Variants in TBC1D22A observed in about 807,000 individuals in gnomAD.
TBC1D22A encodes the protein putative GTPase activator.
In TBC1D22A, 38 loss-of-function variants were observed where a neutral mutation model predicts 60.2. The ratio of observed to expected loss-of-function variants is 0.63; its 90% CI spans 0.49 to 0.83. The LOEUF (loss-of-function observed/expected upper bound fraction) is 0.83, where lower values mean the gene tolerates loss of function less well. Ranked by LOEUF, TBC1D22A falls within the 40% of genes least tolerant of loss-of-function variation. TBC1D22A has a pLI of 0.00. For missense variants in TBC1D22A, 628 were observed against 701.0 expected (o/e 0.90, Z 1.18); for synonymous variants, 302 against 281.7 (o/e 1.07, Z -0.72).
At chr22:46,791,185 A>T (rs2084389642) in intron 1 of TBC1D22A, among the ~76,000 whole-genome samples, 1 of 152,018 alleles carries the variant, frequency 6.6e-6, no homozygotes, top group Non-Finnish European at 1.5e-5. Context: ...CGCCCAGCCA[A>T]TTTTTTTGTA....
Position 47,173,754 on chromosome 22 carries a change from G to C in TBC1D22A, c.*128G>C. ...CTTGTGAGGTGGCCCCACCCTCCAG[G>C]GGAGCTGGTGAAGATGGGCCACAGA... On this transcript the variant is annotated 3_prime_UTR_variant, in exon 13 of 13. Transcript: ENST00000337137. The C allele has an allele frequency of 7.0e-7, 1 of 1,428,326 alleles. No homozygotes were observed. The allele number at this position is 1,428,326 out of a possible 1,614,324, so 88.5% of individuals were successfully genotyped here. A position where few individuals can be genotyped will look rare whatever the true frequency, so the allele number is the denominator to read the frequency against.
At chr22:46,934,586 A>G (rs1332918979) in intron 8 of TBC1D22A, among the ~76,000 whole-genome samples, 2 of 152,196 alleles carry the variant, frequency 1.3e-5, no homozygotes, top group African/African-American at 2.4e-5. Context: ...TTTAGGACTC[A>G]CTTCATAAGA....
rs548617520 is a variant in TBC1D22A, at chr22:47,110,615, G to C, written c.1330-893G>C. Among the ~76,000 whole-genome samples the C allele has an allele frequency of 2.0e-5, 3 of 152,320 alleles. No homozygotes were observed. In the South Asian group the frequency reaches 6.2e-4, roughly 32 times the overall value. On this transcript the variant is annotated intron_variant, in intron 11 of 12. Transcript: ENST00000337137. ...AACCCCCTTGCTGTTCCTCGTCCCA[G>C]TCTTTGCCTTGTTTTCTCCATAGCA...
chr22:47,172,139 C>T (rs759104897), intron 12 of TBC1D22A, among the ~76,000 whole-genome samples: 8 of 146,086 alleles, frequency 5.5e-5, no homozygotes, highest in South Asian at 2.2e-4. Context: ...CCCAGTGAGT[C>T]CGGTGTGCCC....
intron 4 of TBC1D22A, among the ~76,000 whole-genome samples, chr22:46,801,441 G>T (rs1569055663): frequency 6.6e-6 from 1 of 152,320 alleles, no homozygotes; most frequent in African/African-American, 2.4e-5. Context: ...GTTTTTCTTT[G>T]TTTAGCTTAC....
At chr22:47,060,189 C>T (rs9941974) in intron 11 of TBC1D22A, among the ~76,000 whole-genome samples, 396 of 151,630 alleles carry the variant, frequency 2.6e-3, no homozygotes, top group African/African-American at 9.0e-3. Context: ...TTCCAGCAGG[C>T]AGATCAGGCC....
intron 4 of TBC1D22A, among the ~76,000 whole-genome samples, chr22:46,834,401 CACTGA>C (rs1449321495): frequency 1.3e-5 from 2 of 152,174 alleles, no homozygotes; most frequent in African/African-American, 4.8e-5. Context: ...AGAATAGACA[CACTGA>C]AGAGGGTAAG....
intron 4 of TBC1D22A, among the ~76,000 whole-genome samples, chr22:46,867,725 C>T (rs958551865): frequency 1.3e-5 from 2 of 152,170 alleles, no homozygotes; most frequent in Non-Finnish European, 2.9e-5. Context: ...CGAAAATGTG[C>T]GACAGGCTTA....
chr22:47,154,643 T>C (rs943221994), intron 12 of TBC1D22A, among the ~76,000 whole-genome samples: 2 of 152,174 alleles, frequency 1.3e-5, no homozygotes, highest in Non-Finnish European at 2.9e-5. Context: ...AGCGGTTGCC[T>C]TTAGCAGGCA....
Position 46,891,199 on chromosome 22 carries a change from C to T in TBC1D22A, c.709-67C>T, listed in dbSNP as rs56988243. Reference sequence around the variant, plus strand: ...GTATGATGCAAGTCTTTTTATTTCACGCTTAATAATAGGGACTCCATGAAT... The same window carrying T: ...GTATGATGCAAGTCTTTTTATTTCATGCTTAATAATAGGGACTCCATGAAT... On this transcript the variant is annotated intron_variant, in intron 5 of 12. Coordinates refer to ENST00000337137, the MANE Select transcript of TBC1D22A (RefSeq NM_014346.5). 488 of 1,474,492 alleles carry T rather than the reference C, an allele frequency of 3.3e-4. 3 individuals carry two copies. In the African/African-American group the frequency reaches 6.0e-3, roughly 18 times the overall value. The allele number at this position is 1,474,492 out of a possible 1,614,324, so 91.3% of individuals were successfully genotyped here.
At chr22:46,892,222 G>A (rs2068442356) in intron 6 of TBC1D22A, among the ~76,000 whole-genome samples, 1 of 151,820 alleles carries the variant, frequency 6.6e-6, no homozygotes, top group Non-Finnish European at 1.5e-5. Context: ...CTGCTTCTAG[G>A]TGATGGAGCT....
chr22:46,840,372 C>T (rs9616129), intron 4 of TBC1D22A, among the ~76,000 whole-genome samples: 7 of 152,208 alleles, frequency 4.6e-5, no homozygotes, highest in Non-Finnish European at 1.0e-4. Flanking sequence ...CTCAACATCA[C>T]TAATCAGAGA....
At chr22:47,035,889 T>G (rs1031459505) in intron 10 of TBC1D22A, among the ~76,000 whole-genome samples, 1 of 152,236 alleles carries the variant, frequency 6.6e-6, no homozygotes, top group African/African-American at 2.4e-5. Flanking sequence ...ACCCTCCTGT[T>G]CCTCTTCCCC....
chr22:46,861,313 A>G (rs2087872034), intron 4 of TBC1D22A, among the ~76,000 whole-genome samples: 1 of 152,198 alleles, frequency 6.6e-6, no homozygotes, highest in African/African-American at 2.4e-5. Flanking sequence ...CTAGAATAAA[A>G]TGTGTCTCTA....
At chr22:46,911,264 G>A (rs151107215) in intron 7 of TBC1D22A, among the ~76,000 whole-genome samples, 1 of 152,256 alleles carries the variant, frequency 6.6e-6, no homozygotes, top group East Asian at 1.9e-4. Context: ...CCTGGCCTGC[G>A]TGCCTGAATG....
At chr22:47,154,602 G>A (rs1333750374) in intron 12 of TBC1D22A, among the ~76,000 whole-genome samples, 3 of 152,202 alleles carry the variant, frequency 2.0e-5, no homozygotes, top group Non-Finnish European at 4.4e-5. Context: ...CCCCAGCAGT[G>A]CCTGTCCTGT....
intron 4 of TBC1D22A, among the ~76,000 whole-genome samples, chr22:46,806,101 T>C (rs1400777608): frequency 6.6e-6 from 1 of 152,288 alleles, no homozygotes; most frequent in Non-Finnish European, 1.5e-5. Context: ...TCCACCCGCT[T>C]TGGCCTCCCA....
intron 1 of TBC1D22A, among the ~76,000 whole-genome samples, chr22:46,787,422 G>A (rs546434867): frequency 3.3e-5 from 5 of 152,162 alleles, no homozygotes; most frequent in Admixed American, 6.5e-5. Context: ...CGGCTCCTGC[G>A]TCTCCCCTTC....
chr22:47,121,674 A>G (rs141082677), intron 12 of TBC1D22A, among the ~76,000 whole-genome samples: 56 of 152,262 alleles, frequency 3.7e-4, no homozygotes, highest in African/African-American at 1.3e-3. Flanking sequence ...AGTTTTCATT[A>G]GTAGAGTTAT....
Sources: gnomAD v4.1 joint callset for allele counts (sites outside exome capture counted in the v4.1 genomes callset) on GRCh38, gnomAD v4.1.1 for gene constraint, MANE v1.5 for transcripts, NCBI Gene and HGNC (gene_info 2026-07-23, HGNC 2026-07-21) for gene names.